The following PCDHGA4 variants were observed in gnomAD, a reference collection of about 807,000 sequenced individuals.
PCDHGA4 encodes protocadherin gamma-A4.
A neutral mutation model predicts 54.6 loss-of-function variants in PCDHGA4; 38 were observed. That is an observed-to-expected ratio of 0.70 (90% CI 0.54 to 0.91). The LOEUF is 0.91. PCDHGA4 is among the 40% of genes least tolerant of loss of function. The probability of loss-of-function intolerance (pLI) is 0.00; values close to 1 mark genes in which losing one functional copy is unlikely to be tolerated. For missense variants in PCDHGA4, 1,298 were observed against 1,220.9 expected (o/e 1.06, Z -0.94); for synonymous variants, 511 against 512.9 (o/e 1.00, Z 0.05).
chr5:141,412,893 A>C (rs1190008207), intron 1 of PCDHGA4: 6 of 340,884 alleles, frequency 1.8e-5, no homozygotes, highest in Non-Finnish European at 2.6e-5. Flanking sequence ...AGAATAGTTT[A>C]CTTTCCATTG....
rs1236728620 is a variant in PCDHGA4, at chr5:141,355,764, G to A, written c.657G>A (p.Gly219=). The change falls in exon 1 of 4, where the codon GGG becomes GGA. Residue 219 remains glycine, a synonymous_variant. Transcript: ENST00000571252. ...TGGACGTGCAAAGTGGGGCCGATGGGATTAAGTACCCAGAGCTGGTGCTGG... is the reference window on the plus strand; with the variant it reads ...TGGACGTGCAAAGTGGGGCCGATGGAATTAAGTACCCAGAGCTGGTGCTGG... ...FSLDVQSGAD[G]IKYPELVLER... 1.2e-6 allele frequency: 2 copies of A among 1,613,850 alleles called. No homozygotes were observed. Among genetic ancestry groups the A allele is most frequent in the Admixed American group, 1.7e-5 (1 of 60,008 alleles).
chr5:141,464,680 A>T (rs747974832), intron 1 of PCDHGA4, among the ~76,000 whole-genome samples: 1 of 152,144 alleles, frequency 6.6e-6, no homozygotes, highest in African/African-American at 2.4e-5. Context: ...TTTTAATTAA[A>T]ATTTCTCTTA....
In PCDHGA4 at chr5:141,431,985, T is replaced by A. The variant is rs1354693325; in HGVS notation, c.2515-62822T>A. 1 of 1,614,202 alleles carries A rather than the reference T, an allele frequency of 6.2e-7. No homozygotes were observed. The highest frequency in any genetic ancestry group is 1.7e-5 in the Admixed American group (1 of 60,030). ...TACTATAGTTTAGTCACAGACATAG[T>A]CTTGGATAGGGAACAGGTTCCTAGC... On this transcript the variant is annotated intron_variant, in intron 1 of 3. Coordinates refer to ENST00000571252, the MANE Select transcript of PCDHGA4 (RefSeq NM_018917.4). This position sits in a 1 kb window ranked among gnomAD's most constrained non-coding sequence, Gnocchi z 4.8.
chr5:141,385,563 C>T, intron 1 of PCDHGA4: 1 of 1,304,972 alleles, frequency 7.7e-7, no homozygotes, highest in Non-Finnish European at 9.7e-7. Flanking sequence ...TTATAATTTC[C>T]ACCTACTTTC....
Position 141,356,868 on chromosome 5 carries a change from C to T in PCDHGA4, c.1761C>T (p.Asn587=), listed in dbSNP as rs756682784. ...VSLSLFVLDQ[N]DNVPEILYPT... ...TGAGCCTCTTTGTGCTGGACCAGAA[C>T]GACAATGTCCCTGAGATCCTGTACC... Residue 587 remains asparagine, a synonymous_variant, in exon 1 of 4, where the codon AAC becomes AAT. Transcript: ENST00000571252. 7.4e-6 allele frequency: 12 copies of T among 1,614,088 alleles called. No individual in the cohort carries two copies. Among genetic ancestry groups the T allele is most frequent in the South Asian group, 2.2e-5 (2 of 91,090 alleles).
chr5:141,399,744 C>G (rs544697703), intron 1 of PCDHGA4: 1 of 1,613,320 alleles, frequency 6.2e-7, no homozygotes, highest in African/African-American at 1.3e-5. Context: ...CTGCGCTCAG[C>G]GCAAACGTGA....
At chr5:141,426,919 C>T (rs1220443930) in intron 1 of PCDHGA4, 1 of 456,620 alleles carries the variant, frequency 2.2e-6, no homozygotes, top group African/African-American at 2.0e-5. Flanking sequence ...GTCCTGGAAG[C>T]AATGGACATG....
chr5:141,421,118 T>C (rs572827470), intron 1 of PCDHGA4: 2 of 771,948 alleles, frequency 2.6e-6, no homozygotes, highest in Non-Finnish European at 2.0e-6. Context: ...GTATTTTCCT[T>C]CGCTTTCTGA....
At chr5:141,430,928 C>A in intron 1 of PCDHGA4, 1 of 1,607,098 alleles carries the variant, frequency 6.2e-7, no homozygotes, top group Non-Finnish European at 8.5e-7. Context: ...GCTGGAGCCC[C>A]GGGAGCTCGC....
At position 141,403,569 on chromosome 5, in the gene PCDHGA4, C is replaced by A. The variant is rs1206497487; in HGVS notation, c.2514+45948C>A. On this transcript the variant is annotated intron_variant, in intron 1 of 3. Transcript: ENST00000571252. The stretch of plus-strand genomic sequence containing the variant: ...CGCGCCCTGGACAGGGAGGAGGCAA[C>A]TGCCCACCACCTGGTCCTCACGGCC... The A allele has an allele frequency of 5.6e-6, 9 of 1,613,828 alleles. No homozygotes were observed. The Admixed American group carries it at 6.7e-5, about 12-fold the overall frequency.
chr5:141,403,741 T>G, intron 1 of PCDHGA4: 1 of 1,613,906 alleles, frequency 6.2e-7, no homozygotes. Context: ...GGCTGCTTAC[T>G]GCAACAGCCA....
chr5:141,433,236 C>G, intron 1 of PCDHGA4: 2 of 1,501,160 alleles, frequency 1.3e-6, no homozygotes, highest in South Asian at 1.3e-5. Flanking sequence ...CTCTGTCTCC[C>G]AAGCTGGAAT....
chr5:141,362,171 G>C lies in PCDHGA4; in HGVS notation c.2514+4550G>C, dbSNP rs62378417. 152,882 of 1,613,796 alleles carry C rather than the reference G, an allele frequency of 0.095. 8,932 individuals are homozygous for C. The highest frequency in any genetic ancestry group is 0.29 in the African/African-American group (21,432 of 74,954). On this transcript the variant is annotated intron_variant, in intron 1 of 3. Coordinates refer to ENST00000571252, the MANE Select transcript of PCDHGA4 (RefSeq NM_018917.4). ...GTATTGCCAGACCTCAGCGACCGCC[G>C]GGAGCCCTCTGACCCCCAGGCAAAA... is the stretch of plus-strand genomic sequence containing the variant.
At chr5:141,478,068 A>T (rs560968418) in intron 1 of PCDHGA4, 1 of 1,614,134 alleles carries the variant, frequency 6.2e-7, no homozygotes, top group East Asian at 2.2e-5. Flanking sequence ...ATCAAAGACA[A>T]TGGGGAGCCT....
chr5:141,412,987 A>C lies in PCDHGA4; in HGVS notation c.2514+55366A>C, dbSNP rs192699644. Reference sequence around the variant, plus strand: ...AGGAGAGAAAACGCAGCCAGAGCTCAATCCGGATTCTCAGGGCTTCAACTA... The same window carrying C: ...AGGAGAGAAAACGCAGCCAGAGCTCCATCCGGATTCTCAGGGCTTCAACTA... On this transcript the variant is annotated intron_variant, in intron 1 of 3. Transcript: ENST00000571252. The C allele has an allele frequency of 5.3e-6, 3 of 564,534 alleles. No homozygotes were observed. In the African/African-American group the frequency reaches 5.7e-5, roughly 11 times the overall value. The allele number at this position is 564,534 out of a possible 1,614,324, so 35.0% of individuals were successfully genotyped here.
At chr5:141,376,676 G>GTTTTTTTTTTTTTTTTTTTTTT (rs67197835) in intron 1 of PCDHGA4, 1 of 275,800 alleles carries the variant, frequency 3.6e-6, no homozygotes, top group Non-Finnish European at 6.2e-6. Context: ...TGAGGGTATC[G>GTTTTTTTTTTTTTTTTTTTTTT]TTTTTTTTTT....
chr5:141,357,538 A>G lies in PCDHGA4; in HGVS notation c.2431A>G (p.Ile811Val). The change falls in exon 1 of 4, where the codon ATC (isoleucine) becomes GTC (valine). Residue 811 changes from isoleucine to valine, a missense_variant. Ile to Val is a conservative substitution (Grantham distance 29). Transcript: ENST00000571252. ...CCAACCCAGCTATGCAGACACGCTC[A>G]TCAGCCGGGAGAGTTGTGAGAAAAG... ...FSQPSYADTL[I>V]SRESCEKSEP... 1.9e-6 allele frequency: 3 copies of G among 1,614,228 alleles called. No homozygotes were observed. Among genetic ancestry groups the G allele is most frequent in the Admixed American group, 1.7e-5 (1 of 60,032 alleles).
chr5:141,505,507 A>G, intron 3 of PCDHGA4, 26 bp downstream of exon 3: 1 of 1,614,004 alleles, frequency 6.2e-7, no homozygotes, highest in South Asian at 1.1e-5. Flanking sequence ...GTGTGTATGG[A>G]AGAGTGGGAG....
At chr5:141,434,194 GTACT>G (rs527775432) in intron 1 of PCDHGA4, among the ~76,000 whole-genome samples, 169 of 152,308 alleles carry the variant, frequency 1.1e-3, no homozygotes, top group African/African-American at 3.9e-3. Flanking sequence ...TAATTCCAAT[GTACT>G]TACTTCTGTC....
Sources: allele counts gnomAD v4.1 joint callset (sites outside exome capture counted in the v4.1 genomes callset), GRCh38; gene constraint gnomAD v4.1.1; non-coding constraint Gnocchi (gnomAD v3.1); transcripts MANE v1.5; gene names NCBI Gene and HGNC (gene_info 2026-07-23, HGNC 2026-07-21).